The following RCC1L variants were observed in gnomAD, a reference collection of about 807,000 sequenced individuals.
The protein encoded by RCC1L is RCC1-like G exchanging factor-like protein.
Under a neutral mutation model 58.6 loss-of-function variants are expected in RCC1L, and 46 were observed. That is an observed-to-expected ratio of 0.79 (90% CI 0.62 to 1.00). The LOEUF (loss-of-function observed/expected upper bound fraction) is 1.00, where lower values mean the gene tolerates loss of function less well. Ranked by LOEUF, RCC1L falls within the 50% of genes least tolerant of loss-of-function variation. The probability of loss-of-function intolerance (pLI) is 0.00; values close to 1 mark genes in which losing one functional copy is unlikely to be tolerated. For missense variants in RCC1L, 636 were observed against 623.6 expected, an observed-to-expected ratio of 1.02 and a Z score of -0.21; for synonymous variants, 281 against 262.9, an observed-to-expected ratio of 1.07 and a Z score of -0.67.
Position 75,058,639 on chromosome 7 carries a change from AC to A in RCC1L, c.917del (p.Gly306ValfsTer19), listed in dbSNP as rs1173221070. The part of the protein sequence containing the change: ...LAVSADGGLF[G>X]WGNSEYLQLA... ...GCTGCAGGTACTCCGAGTTTCCCCA[AC>A]CAAAAAGTCCTCCGTCGGCGGACAC... On this transcript the variant is annotated frameshift_variant, in exon 7 of 11. Coordinates refer to ENST00000610322, the MANE Select transcript of RCC1L (RefSeq NM_030798.5). LOFTEE classifies it high-confidence loss of function. The A allele has an allele frequency of 1.9e-6, 3 of 1,613,304 alleles. No individual in the cohort carries two copies. The Admixed American group carries it at 5.0e-5, about 27-fold the overall frequency.
chr7:75,065,819 A>T (rs1233131687), intron 3 of RCC1L, among the ~76,000 whole-genome samples: 1 of 151,738 alleles, frequency 6.6e-6, no homozygotes, highest in Non-Finnish European at 1.5e-5. Flanking sequence ...GGTGTTCAAG[A>T]CCAGCCTGGC....
At chr7:75,064,756 ACC>A in intron 3 of RCC1L, 108 bp from the exon 4 acceptor site, 1 of 1,221,520 alleles carries the variant, frequency 8.2e-7, no homozygotes, top group Non-Finnish European at 1.2e-6. Flanking sequence ...ACTCACCCCC[ACC>A]CCCCAACTGC....
In RCC1L at chr7:75,073,787, C is replaced by G. The variant is rs1024598147; in HGVS notation, c.-50G>C. The G allele has an allele frequency of 6.7e-7, 1 of 1,500,940 alleles. No individual in the cohort carries two copies. The highest frequency in any genetic ancestry group is 8.8e-7 in the Non-Finnish European group (1 of 1,131,392). 93.0% of individuals were successfully genotyped at this position (1,500,940 alleles called of 1,614,324 possible). A position where few individuals can be genotyped will look rare whatever the true frequency, so the allele number is the denominator to read the frequency against. ...TCTGGGCGCCGCCATCTTGCGTGAC[C>G]CTTAACACCAGTCCTCGCCGGAAGA... On this transcript the variant is annotated 5_prime_UTR_variant, in exon 1 of 11. Coordinates refer to ENST00000610322, the MANE Select transcript of RCC1L (RefSeq NM_030798.5).
At chr7:75,054,459 T>G (rs1806015258) in intron 9 of RCC1L, among the ~76,000 whole-genome samples, 1 of 152,108 alleles carries the variant, frequency 6.6e-6, no homozygotes, top group Non-Finnish European at 1.5e-5. Flanking sequence ...TGAGGGCAAA[T>G]AGAAAAGCCT....
chr7:75,056,628 G>T, intron 8 of RCC1L: 1 of 1,535,298 alleles, frequency 6.5e-7, no homozygotes, highest in South Asian at 1.2e-5. Flanking sequence ...AGGCAGAGCT[G>T]GAGTCTCTCT....
intron 10 of RCC1L, among the ~76,000 whole-genome samples, chr7:75,051,165 T>C (rs1805890893): frequency 6.9e-6 from 1 of 144,914 alleles, no homozygotes; most frequent in African/African-American, 2.5e-5. Context: ...CCTCCACCGA[T>C]AGTCTTGGAA....
Position 75,073,712 on chromosome 7 carries a change from C to T in RCC1L, c.26G>A (p.Gly9Glu). The T allele has an allele frequency of 3.3e-6, 5 of 1,504,996 alleles. No individual in the cohort carries two copies. Among genetic ancestry groups the T allele is most frequent in the Non-Finnish European group, 3.5e-6 (4 of 1,134,408 alleles). The allele number at this position is 1,504,996 out of a possible 1,614,324, so 93.2% of individuals were successfully genotyped here. Residue 9 changes from glycine to glutamate, a missense_variant, in exon 1 of 11, where the codon GGG (glycine) becomes GAG (glutamate). Gly to Glu is a moderately conservative substitution (Grantham distance 98). Coordinates refer to ENST00000610322, the MANE Select transcript of RCC1L (RefSeq NM_030798.5). MALVALVA[G>E]ARLGRRLSGP... ...GCTCAGCCGCCGCCCCAGCCGAGCCCCAGCCACCAACGCCACCAGCGCCAT... is the reference window on the plus strand; with the variant it reads ...GCTCAGCCGCCGCCCCAGCCGAGCCTCAGCCACCAACGCCACCAGCGCCAT...
chr7:75,072,089 A>G (rs1351681004), intron 1 of RCC1L, among the ~76,000 whole-genome samples: 1 of 132,472 alleles, frequency 7.5e-6, no homozygotes, highest in Non-Finnish European at 1.6e-5. Flanking sequence ...GAGCCAGATC[A>G]AAAAAAAAAA....
intron 2 of RCC1L, among the ~76,000 whole-genome samples, chr7:75,070,296 C>A (rs1220610507): frequency 6.6e-6 from 1 of 152,084 alleles, no homozygotes; most frequent in Admixed American, 6.6e-5. Context: ...GAGGGCTGGG[C>A]GCTGTGCCTC....
At chr7:75,055,715 G>A (rs1261649309) in intron 9 of RCC1L, 186 bp downstream of exon 9, 6 of 686,674 alleles carry the variant, frequency 8.7e-6, no homozygotes, top group Middle Eastern at 4.0e-4. Flanking sequence ...TCCAGGGGGG[G>A]AAAACAAGAC....
intron 3 of RCC1L, among the ~76,000 whole-genome samples, chr7:75,066,208 T>C (rs1554445088): frequency 6.6e-6 from 1 of 151,788 alleles, no homozygotes; most frequent in African/African-American, 2.4e-5. Flanking sequence ...TCCCAGCACT[T>C]TGGGAGGCTA....
intron 7 of RCC1L, 85 bp from the exon 8 acceptor site, chr7:75,057,701 G>A: frequency 8.3e-7 from 1 of 1,206,660 alleles, no homozygotes; most frequent in Non-Finnish European, 1.2e-6. Flanking sequence ...CAGAGTAGCT[G>A]AGTCCTAGTT....
At chr7:75,067,169 C>T (rs587752467) in intron 2 of RCC1L, among the ~76,000 whole-genome samples, 11 of 152,056 alleles carry the variant, frequency 7.2e-5, no homozygotes, top group Admixed American at 3.3e-4. Context: ...GGCATGGTGG[C>T]GGGCGCCTCT....
chr7:75,065,004 T>C (rs1806416067), intron 3 of RCC1L, among the ~76,000 whole-genome samples: 1 of 152,064 alleles, frequency 6.6e-6, no homozygotes, highest in Non-Finnish European at 1.5e-5. Flanking sequence ...GGAGCGCCTC[T>C]GCCCAGTCGT....
At chr7:75,028,071 G>C in exon 11 of RCC1L, 1 of 1,533,602 alleles carries the variant, frequency 6.5e-7, no homozygotes, top group Non-Finnish European at 8.7e-7. Context: ...TGGCGGATGG[G>C]GCAGGTGCCT....
At chr7:75,046,851 C>T (rs1344406624) in intron 10 of RCC1L, among the ~76,000 whole-genome samples, 4 of 152,122 alleles carry the variant, frequency 2.6e-5, no homozygotes, top group African/African-American at 4.8e-5. Context: ...GACGGGGGTG[C>T]GGGAAGAAGG....
rs1419332691 is a variant in RCC1L, at chr7:75,058,646, A to T, written c.911T>A (p.Leu304His). 6.2e-7 allele frequency: 1 copy of T among 1,613,472 alleles called. No homozygotes were observed. The highest frequency in any genetic ancestry group is 1.3e-5 in the African/African-American group (1 of 74,900). ...GTACTCCGAGTTTCCCCAACCAAAA[A>T]GTCCTCCGTCGGCGGACACGGCCAG... ...CCLAVSADGG[L>H]FGWGNSEYLQ... Residue 304 changes from leucine to histidine, a missense_variant, in exon 7 of 11, where the codon CTT becomes CAT. Coordinates refer to ENST00000610322, the MANE Select transcript of RCC1L (RefSeq NM_030798.5).
At chr7:75,043,665 A>T (rs1388390295) in intron 10 of RCC1L, among the ~76,000 whole-genome samples, 1 of 152,062 alleles carries the variant, frequency 6.6e-6, no homozygotes, top group African/African-American at 2.4e-5. Flanking sequence ...GAAGTTTGAG[A>T]CCAGCCAGGC....
At chr7:75,054,073 C>G (rs1282387926) in intron 9 of RCC1L, among the ~76,000 whole-genome samples, 2 of 152,118 alleles carry the variant, frequency 1.3e-5, no homozygotes, top group African/African-American at 4.8e-5. Context: ...CAGCTAATTT[C>G]TGTATTTTTT....
Sources: gnomAD v4.1 joint callset for allele counts (sites outside exome capture counted in the v4.1 genomes callset) on GRCh38, gnomAD v4.1.1 for gene constraint, MANE v1.5 for transcripts, NCBI Gene and HGNC (gene_info 2026-07-23, HGNC 2026-07-21) for gene names.